Variants in ZDHHC20 observed in about 807,000 individuals in gnomAD.
ZDHHC20 encodes the protein palmitoyltransferase ZDHHC20.
In ZDHHC20, 43 loss-of-function variants were observed where a neutral mutation model predicts 57.8. That is an observed-to-expected ratio of 0.74 (90% CI 0.58 to 0.96). ZDHHC20 has a LOEUF of 0.96. Among genes scored for constraint, ZDHHC20 ranks in the 40% least tolerant of loss-of-function variants. ZDHHC20 has a pLI of 0.00. For synonymous variants in ZDHHC20, 157 were observed against 153.0 expected, an observed-to-expected ratio of 1.03 and a Z score of -0.19; for missense variants, 391 against 441.1, an observed-to-expected ratio of 0.89 and a Z score of 1.02.
chr13:21,424,024 CATGAA>C (rs1216959216), intron 2 of ZDHHC20, among the ~76,000 whole-genome samples: 5 of 151,894 alleles, frequency 3.3e-5, no homozygotes, highest in Non-Finnish European at 5.9e-5. Context: ...TTCCTTTCTT[CATGAA>C]AACAAAAGAA....
chr13:21,413,159 G>A (rs894203727), intron 4 of ZDHHC20, among the ~76,000 whole-genome samples: 1 of 151,974 alleles, frequency 6.6e-6, no homozygotes, highest in Non-Finnish European at 1.5e-5. Context: ...TTAGTACAGA[G>A]GAAACACCAA....
Position 21,445,945 on chromosome 13 carries a change from C to A in ZDHHC20, c.118+13109G>T, listed in dbSNP as rs542175137. ...CTAGACGAAGTGAGAGCTAGCCATGCGGAAATCTGGGAGGAAAGCATTCCA... is the reference window on the plus strand; with the variant it reads ...CTAGACGAAGTGAGAGCTAGCCATGAGGAAATCTGGGAGGAAAGCATTCCA... On this transcript the variant is annotated intron_variant, in intron 1 of 12. Coordinates refer to ENST00000400590, the MANE Select transcript of ZDHHC20 (RefSeq NM_001330059.2). Among the ~76,000 whole-genome samples the A allele has an allele frequency of 2.4e-3, 358 of 152,140 alleles. 1 individual carries two copies. The highest frequency in any genetic ancestry group is 3.9e-3 in the Non-Finnish European group (264 of 68,024).
At chr13:21,391,385 A>G (rs1875689646) in intron 8 of ZDHHC20, among the ~76,000 whole-genome samples, 1 of 152,256 alleles carries the variant, frequency 6.6e-6, no homozygotes, top group Non-Finnish European at 1.5e-5. Context: ...TGTGTTAAAA[A>G]GTCAATCTCA....
chr13:21,382,582 T>C (rs1275259331), intron 10 of ZDHHC20, among the ~76,000 whole-genome samples: 1 of 152,176 alleles, frequency 6.6e-6, no homozygotes. Context: ...TGCAAAAACA[T>C]AACTGACATA....
chr13:21,458,909 C>T (rs2138093860), intron 1 of ZDHHC20, 145 bp downstream of exon 1: 1 of 544,648 alleles, frequency 1.8e-6, no homozygotes, highest in Non-Finnish European at 3.1e-6. Context: ...GGTGCAGCAA[C>T]CTCGGCGCTT....
At chr13:21,408,067 T>C (rs1878702782) in intron 4 of ZDHHC20, among the ~76,000 whole-genome samples, 2 of 152,238 alleles carry the variant, frequency 1.3e-5, no homozygotes. Context: ...CCTCCATCTT[T>C]GTTCTTTTTG....
intron 1 of ZDHHC20, among the ~76,000 whole-genome samples, chr13:21,432,437 C>T (rs570653917): frequency 6.6e-6 from 1 of 151,830 alleles, no homozygotes; most frequent in East Asian, 1.9e-4. Flanking sequence ...TCACACCATT[C>T]TCCTGCCTCA....
At chr13:21,425,385 T>C (rs1881134798) in intron 2 of ZDHHC20, among the ~76,000 whole-genome samples, 1 of 152,112 alleles carries the variant, frequency 6.6e-6, no homozygotes, top group African/African-American at 2.4e-5. Flanking sequence ...AATATTTATA[T>C]AAATACACAA....
intron 3 of ZDHHC20, among the ~76,000 whole-genome samples, chr13:21,417,859 C>T (rs1205241690): frequency 2.0e-5 from 3 of 152,142 alleles, no homozygotes; most frequent in Non-Finnish European, 2.9e-5. Flanking sequence ...TATATTAGCA[C>T]CAACTTCTGA....
In ZDHHC20 at chr13:21,400,328, C is replaced by T. The variant is rs770297817; in HGVS notation, c.594+45G>A. ...AAGTAATTTATTAGGAAGATAGCAT[C>T]TTAAAGTCTTAAATACATGTTTCAA... On this transcript the variant is annotated intron_variant, in intron 7 of 12. Coordinates refer to ENST00000400590, the MANE Select transcript of ZDHHC20 (RefSeq NM_001330059.2). The T allele has an allele frequency of 8.7e-6, 13 of 1,500,420 alleles. No individual in the cohort carries two copies. In the South Asian group the frequency reaches 1.7e-4, roughly 20 times the overall value. 92.9% of individuals were successfully genotyped at this position (1,500,420 alleles called of 1,614,324 possible).
Position 21,450,159 on chromosome 13 carries a change from G to GA in ZDHHC20, c.118+8894dup, listed in dbSNP as rs141738363. Among the ~76,000 whole-genome samples, 227 of 150,558 alleles carry GA rather than the reference G, an allele frequency of 1.5e-3. 4 individuals carry two copies. In the East Asian group the frequency reaches 0.035, roughly 23 times the overall value. ...TATTAGGAGCAGCAGGTTCAAGGGA[G>GA]AAAAAAAAAGAAAATCAAGAGTTTT... On this transcript the variant is annotated intron_variant, in intron 1 of 12. Coordinates refer to ENST00000400590, the MANE Select transcript of ZDHHC20 (RefSeq NM_001330059.2).
intron 1 of ZDHHC20, 132 bp from the exon 2 acceptor site, chr13:21,425,810 T>A: frequency 1.7e-6 from 1 of 593,978 alleles, no homozygotes. Flanking sequence ...TAGACACTAA[T>A]GCAAAGTCAA....
chr13:21,418,054 ATAAT>A (rs1880218075), intron 3 of ZDHHC20, among the ~76,000 whole-genome samples: 1 of 152,212 alleles, frequency 6.6e-6, no homozygotes, highest in Admixed American at 6.5e-5. Flanking sequence ...TGAAGATTTA[ATAAT>A]TAATTAATTT....
chr13:21,383,141 T>G (rs1039658879), intron 9 of ZDHHC20, 132 bp from the exon 10 acceptor site: 4 of 825,074 alleles, frequency 4.8e-6, no homozygotes, highest in African/African-American at 1.7e-5. Flanking sequence ...CTCCTAAAAT[T>G]TCTAATTTAG....
At chr13:21,444,841 A>C (rs1883520394) in intron 1 of ZDHHC20, among the ~76,000 whole-genome samples, 1 of 152,068 alleles carries the variant, frequency 6.6e-6, no homozygotes, top group African/African-American at 2.4e-5. Flanking sequence ...GGACTGCTTG[A>C]GCTTAGGAGT....
intron 1 of ZDHHC20, among the ~76,000 whole-genome samples, chr13:21,439,005 T>TTG (rs1305066750): frequency 1.3e-5 from 2 of 152,230 alleles, no homozygotes; most frequent in Non-Finnish European, 2.9e-5. Flanking sequence ...ATTGCACACT[T>TTG]AACAGACTAC....
At chr13:21,401,750 A>G (rs1241073177) in intron 5 of ZDHHC20, 65 bp from the exon 6 acceptor site, 5 of 1,392,480 alleles carry the variant, frequency 3.6e-6, no homozygotes, top group Non-Finnish European at 4.8e-6. Flanking sequence ...ACTTCTCATA[A>G]TTTTCTTTTA....
At chr13:21,405,884 T>C (rs1471585476) in intron 4 of ZDHHC20, among the ~76,000 whole-genome samples, 1 of 152,168 alleles carries the variant, frequency 6.6e-6, no homozygotes, top group East Asian at 1.9e-4. Context: ...AGTCCCTGCT[T>C]CCATAATGCT....
chr13:21,454,743 C>T (rs1020390165), intron 1 of ZDHHC20, among the ~76,000 whole-genome samples: 25 of 152,208 alleles, frequency 1.6e-4, no homozygotes, highest in African/African-American at 5.8e-4. Flanking sequence ...AATGATAGTG[C>T]TTAAGTTATT....
Sources: allele counts gnomAD v4.1 joint callset (sites outside exome capture counted in the v4.1 genomes callset), GRCh38; gene constraint gnomAD v4.1.1; transcripts MANE v1.5; gene names NCBI Gene and HGNC (gene_info 2026-07-23, HGNC 2026-07-21).